B3GALT1: variants seen among roughly 807,000 people sequenced by gnomAD.
B3GALT1 encodes UDP-Gal:betaGlcNAc beta 1,3-galactosyltransferase, polypeptide 1.
A neutral mutation model predicts 23.2 loss-of-function variants in B3GALT1; 10 were observed. The observed-to-expected ratio is 0.43, with a 90% CI of 0.27 to 0.73. B3GALT1 has a LOEUF of 0.73. Ranked by LOEUF, B3GALT1 falls within the 30% of genes least tolerant of loss-of-function variation. The pLI is 0.21. For missense variants in B3GALT1, 299 were observed against 405.4 expected (o/e 0.74, Z 2.25); for synonymous variants, 156 against 141.5 (o/e 1.10, Z -0.73).
chr2:167,458,564 C>T lies in B3GALT1; in HGVS notation c.-510-31613C>T, dbSNP rs115744854. On this transcript the variant is annotated intron_variant, in intron 1 of 4. Transcript: ENST00000392690. ...CTTCCACACCAGCTGTACTATTGTA[C>T]GTTCCTACAGTGTACAAGGGTTCTG... Among the ~76,000 whole-genome samples the T allele has an allele frequency of 6.6e-3, 1,001 of 152,286 alleles. 13 individuals carry two copies. The highest frequency in any genetic ancestry group is 0.023 in the African/African-American group (955 of 41,568).
chr2:167,667,803 T>A (rs1057179961), intron 3 of B3GALT1, among the ~76,000 whole-genome samples: 38 of 152,222 alleles, frequency 2.5e-4, no homozygotes, highest in Non-Finnish European at 1.0e-4. Context: ...CTCCATCAGA[T>A]CCTTTAAGCA....
chr2:167,436,426 A>G (rs1163212748), intron 1 of B3GALT1, among the ~76,000 whole-genome samples: 1 of 152,058 alleles, frequency 6.6e-6, no homozygotes, highest in African/African-American at 2.4e-5. Flanking sequence ...ACTTGTCCTT[A>G]TTAAGGGGTC....
rs1275898445 is a variant in B3GALT1, at chr2:167,441,859, G to GT, written c.-510-48305dup. ...GCCAGACAGCATAGCAAGATCCCATGTTTTTTTTTTTTTAATTTAATTTAT... is the reference window on the plus strand; with the variant it reads ...GCCAGACAGCATAGCAAGATCCCATGTTTTTTTTTTTTTTAATTTAATTTAT... On this transcript the variant is annotated intron_variant, in intron 1 of 4. Transcript: ENST00000392690. 8.2e-3 allele frequency among the ~76,000 whole-genome samples: 1,171 copies of GT among 142,028 alleles called. 14 individuals are homozygous for GT. The highest frequency in any genetic ancestry group is 0.024 in the African/African-American group (925 of 38,664). The allele number at this position is 142,028 out of a possible 152,430, so 93.2% of individuals were successfully genotyped here. A position where few individuals can be genotyped will look rare whatever the true frequency, so the allele number is the denominator to read the frequency against.
intron 3 of B3GALT1, among the ~76,000 whole-genome samples, chr2:167,729,207 C>G (rs1300455629): frequency 5.3e-5 from 8 of 152,130 alleles, no homozygotes; most frequent in Admixed American, 5.2e-4. Flanking sequence ...ACAGGGACAC[C>G]TAAAAATCAT....
At chr2:167,615,935 C>A (rs888317522) in intron 2 of B3GALT1, among the ~76,000 whole-genome samples, 1 of 151,964 alleles carries the variant, frequency 6.6e-6, no homozygotes, top group Non-Finnish European at 1.5e-5. Flanking sequence ...GAATTTGAAC[C>A]CAGCACACAG....
At chr2:167,330,834 G>T (rs959983496) in intron 1 of B3GALT1, among the ~76,000 whole-genome samples, 1 of 151,760 alleles carries the variant, frequency 6.6e-6, no homozygotes, top group African/African-American at 2.4e-5. Flanking sequence ...GGGATTTTGT[G>T]AATTTCTTAA....
chr2:167,567,504 A>G (rs1001901174), intron 2 of B3GALT1, among the ~76,000 whole-genome samples: 5 of 152,172 alleles, frequency 3.3e-5, no homozygotes, highest in Non-Finnish European at 4.4e-5. Context: ...TGGCTTTTGA[A>G]AAAATATCTA....
At chr2:167,816,249 G>C (rs1351873330) in intron 3 of B3GALT1, among the ~76,000 whole-genome samples, 1 of 152,128 alleles carries the variant, frequency 6.6e-6, no homozygotes, top group African/African-American at 2.4e-5. Flanking sequence ...TGGCAATTAA[G>C]TATTTTGATT....
chr2:167,804,398 A>G lies in B3GALT1; in HGVS notation c.-351-14274A>G, dbSNP rs554147376. 5.3e-5 allele frequency among the ~76,000 whole-genome samples: 8 copies of G among 151,824 alleles called. No homozygotes were observed. The East Asian group carries it at 7.8e-4, about 15-fold the overall frequency. ...ATGTGCAGGTTAGTTACATATGTAT[A>G]CATGTGCCATGTTGGTGTGCTGCAC... On this transcript the variant is annotated intron_variant, in intron 3 of 4. Transcript: ENST00000392690.
At chr2:167,602,060 A>G (rs974407416) in intron 2 of B3GALT1, among the ~76,000 whole-genome samples, 3 of 152,190 alleles carry the variant, frequency 2.0e-5, no homozygotes, top group South Asian at 2.1e-4. Context: ...AGATTTCAGG[A>G]CCCATAGGTG....
chr2:167,852,173 C>A (rs758695044), intron 4 of B3GALT1, among the ~76,000 whole-genome samples: 7 of 152,126 alleles, frequency 4.6e-5, no homozygotes, highest in Non-Finnish European at 8.8e-5. Flanking sequence ...GAGAACACAG[C>A]ACAGCAGCTA....
chr2:167,414,004 A>G (rs1698430762), intron 1 of B3GALT1, among the ~76,000 whole-genome samples: 1 of 152,160 alleles, frequency 6.6e-6, no homozygotes, highest in Non-Finnish European at 1.5e-5. Context: ...GAAAGCAGAT[A>G]TGTTTCCTTT....
chr2:167,389,957 G>C (rs996863258), intron 1 of B3GALT1, among the ~76,000 whole-genome samples: 1 of 149,946 alleles, frequency 6.7e-6, no homozygotes, highest in Non-Finnish European at 1.5e-5. Flanking sequence ...GAAAACCATC[G>C]CATGAGAAGA....
chr2:167,403,738 A>G (rs527299084), intron 1 of B3GALT1, among the ~76,000 whole-genome samples: 1 of 152,120 alleles, frequency 6.6e-6, no homozygotes, highest in African/African-American at 2.4e-5. Flanking sequence ...AGACAACTCT[A>G]TACAACTCTA....
intron 1 of B3GALT1, among the ~76,000 whole-genome samples, chr2:167,334,566 C>T (rs887498761): frequency 6.6e-6 from 1 of 152,138 alleles, no homozygotes; most frequent in Non-Finnish European, 1.5e-5. Context: ...TCTCCTGTTA[C>T]TTCCTTATTG....
intron 3 of B3GALT1, among the ~76,000 whole-genome samples, chr2:167,726,584 C>A (rs1687319396): frequency 6.6e-6 from 1 of 152,216 alleles, no homozygotes; most frequent in Non-Finnish European, 1.5e-5. Context: ...ACTGGATTTG[C>A]ACAGGGCACC....
chr2:167,741,843 C>A (rs940674425), intron 3 of B3GALT1, among the ~76,000 whole-genome samples: 2 of 152,106 alleles, frequency 1.3e-5, no homozygotes, highest in South Asian at 4.1e-4. Context: ...ATGTTGGCAA[C>A]AGAGAGTATA....
At chr2:167,492,456 G>A (rs574071553) in intron 2 of B3GALT1, among the ~76,000 whole-genome samples, 2 of 152,198 alleles carry the variant, frequency 1.3e-5, no homozygotes, top group South Asian at 2.1e-4. Context: ...GCAGATTTTT[G>A]TGTGGACAGA....
At chr2:167,477,806 C>T (rs1699507829) in intron 1 of B3GALT1, among the ~76,000 whole-genome samples, 1 of 152,178 alleles carries the variant, frequency 6.6e-6, no homozygotes, top group African/African-American at 2.4e-5. Flanking sequence ...AGACACATTC[C>T]ATTGAATCAT....
Sources: gnomAD v4.1 joint callset for allele counts (sites outside exome capture counted in the v4.1 genomes callset) on GRCh38, gnomAD v4.1.1 for gene constraint, MANE v1.5 for transcripts, NCBI Gene and HGNC (gene_info 2026-07-23, HGNC 2026-07-21) for gene names.